Variants in CLDN14 observed in about 807,000 individuals in gnomAD.
CLDN14 encodes claudin 14.
In CLDN14, 2 loss-of-function variants were observed where a neutral mutation model predicts 2.1. That is an observed-to-expected ratio of 0.96 (90% CI 0.39 to 3.01). CLDN14 has a LOEUF of 3.01. Ranked by LOEUF, CLDN14 falls within the 30% of genes most tolerant of loss-of-function variation. The probability of loss-of-function intolerance (pLI) is 0.09; values close to 1 mark genes in which losing one functional copy is unlikely to be tolerated. For synonymous variants in CLDN14, 136 were observed against 154.4 expected, an observed-to-expected ratio of 0.88 and a Z score of 0.88; for missense variants, 298 against 328.0, an observed-to-expected ratio of 0.91 and a Z score of 0.71.
chr21:36,549,013 T>C (rs1601633278), intron 1 of CLDN14, among the ~76,000 whole-genome samples: 1 of 152,192 alleles, frequency 6.6e-6, no homozygotes, highest in East Asian at 1.9e-4. Flanking sequence ...TCCCTGAGGG[T>C]AAGGACTGTG....
At chr21:36,573,516 C>A (rs2087723519) in intron 1 of CLDN14, among the ~76,000 whole-genome samples, 1 of 152,124 alleles carries the variant, frequency 6.6e-6, no homozygotes, top group Middle Eastern at 3.2e-3. Context: ...ACTTTTCTCT[C>A]TATAAATTAT....
At chr21:36,504,206 G>C (rs1200015232) in intron 2 of CLDN14, among the ~76,000 whole-genome samples, 1 of 151,466 alleles carries the variant, frequency 6.6e-6, no homozygotes, top group Non-Finnish European at 1.5e-5. Context: ...TGGGCATGGT[G>C]GTGCACGCCT....
intron 1 of CLDN14, among the ~76,000 whole-genome samples, chr21:36,478,619 T>G (rs896932671): frequency 5.9e-5 from 9 of 152,214 alleles, no homozygotes; most frequent in African/African-American, 2.2e-4. Context: ...ACAGCAGACC[T>G]GGGCCCAGCC....
upstream of CLDN14, among the ~76,000 whole-genome samples, chr21:36,482,451 TAG>T (rs2086858727): frequency 6.6e-6 from 1 of 150,448 alleles, no homozygotes; most frequent in Non-Finnish European, 1.5e-5. Flanking sequence ...GATGGATGGA[TAG>T]ATGGATGGAT....
chr21:36,461,502 T>C lies in CLDN14; in HGVS notation c.194A>G (p.Gln65Arg). Residue 65 changes from glutamine (Q) to arginine (R), a missense_variant, in exon 2 of 2, where the codon CAG becomes CGG. By Grantham distance (43) the Gln-to-Arg change is conservative. Transcript: ENST00000399135. ...CAGCGCCAGCAGGGATCGGTAGATC[T>C]GGCACTGGTAGATGCCTGTGCTGTG... Reference protein sequence around the residue: ...VWHSTGIYQCQIYRSLLALPQ... With the variant: ...VWHSTGIYQCRIYRSLLALPQ... The C allele has an allele frequency of 6.2e-7, 1 of 1,613,446 alleles. No individual in the cohort carries two copies. The highest frequency in any genetic ancestry group is 8.5e-7 in the Non-Finnish European group (1 of 1,179,986).
At chr21:36,487,999 C>G (rs956673745) in intron 2 of CLDN14, among the ~76,000 whole-genome samples, 4 of 152,148 alleles carry the variant, frequency 2.6e-5, no homozygotes, top group African/African-American at 9.7e-5. Context: ...CAGGTGTGTG[C>G]ACACTCACCT....
chr21:36,518,073 C>T (rs1203738123), intron 1 of CLDN14, among the ~76,000 whole-genome samples: 1 of 59,342 alleles, frequency 1.7e-5, no homozygotes, highest in South Asian at 5.5e-4. Context: ...CACTTACATA[C>T]GTACACACAC....
intron 2 of CLDN14, among the ~76,000 whole-genome samples, chr21:36,503,497 G>A (rs2146478628): frequency 6.6e-6 from 1 of 152,292 alleles, no homozygotes; most frequent in South Asian, 2.1e-4. Flanking sequence ...TTTTAAAAAT[G>A]GGAGTTTCCC....
At chr21:36,535,961 C>T (rs978750650) in intron 1 of CLDN14, among the ~76,000 whole-genome samples, 15 of 152,196 alleles carry the variant, frequency 9.9e-5, no homozygotes, top group African/African-American at 3.6e-4. Flanking sequence ...CCCCCACCCT[C>T]GGAAAGTACA....
intron 1 of CLDN14, among the ~76,000 whole-genome samples, chr21:36,527,919 C>T (rs1217838387): frequency 2.0e-5 from 3 of 152,040 alleles, no homozygotes; most frequent in African/African-American, 7.3e-5. Flanking sequence ...CTAGATGTCT[C>T]TTCCCAAAAG....
At chr21:36,517,772 A>G (rs533974541) in intron 1 of CLDN14, among the ~76,000 whole-genome samples, 1 of 152,280 alleles carries the variant, frequency 6.6e-6, no homozygotes, top group East Asian at 1.9e-4. Flanking sequence ...GTAAGCTGTT[A>G]TTTTGGATGT....
chr21:36,542,522 C>G (rs1000217777), intron 1 of CLDN14: 1 of 152,380 alleles, frequency 6.6e-6, no homozygotes, highest in Non-Finnish European at 1.5e-5. Flanking sequence ...CTAAAAGTCC[C>G]GAGGCTGGCA....
intron 1 of CLDN14, among the ~76,000 whole-genome samples, chr21:36,541,391 G>C (rs557694038): frequency 6.6e-6 from 1 of 152,128 alleles, no homozygotes; most frequent in Non-Finnish European, 1.5e-5. Flanking sequence ...GTAACAAAAG[G>C]ATGAAAAGAA....
In CLDN14 at chr21:36,497,571, C is replaced by T. The variant is rs371385818; in HGVS notation, c.-82+12792G>A. On this transcript the variant is annotated intron_variant, in intron 2 of 2. Transcript: ENST00000342108. ...TCAGCAAACTCCAACAGGCCCCAAA[C>T]GAGCTGAGAAAATATCCAACTTCAA... is the stretch of plus-strand genomic sequence containing the variant. 3.9e-5 allele frequency among the ~76,000 whole-genome samples: 6 copies of T among 152,144 alleles called. No homozygotes were observed. In the East Asian group the frequency reaches 9.7e-4, roughly 25 times the overall value.
At chr21:36,515,767 CTG>C (rs2087223491) in intron 1 of CLDN14, among the ~76,000 whole-genome samples, 1 of 148,422 alleles carries the variant, frequency 6.7e-6, no homozygotes, top group South Asian at 2.1e-4. Context: ...GTGTGCTAAG[CTG>C]TGTTTCCCTT....
intron 2 of CLDN14, among the ~76,000 whole-genome samples, chr21:36,509,488 C>T (rs1040933957): frequency 6.6e-6 from 1 of 152,232 alleles, no homozygotes; most frequent in African/African-American, 2.4e-5. Context: ...GGAGAAGATA[C>T]ATATGGTTGG....
chr21:36,482,747 T>C (rs2086861234), upstream of CLDN14, among the ~76,000 whole-genome samples: 1 of 152,152 alleles, frequency 6.6e-6, no homozygotes, highest in Non-Finnish European at 1.5e-5. Flanking sequence ...AAACTTGACC[T>C]TGCTCTATTC....
At chr21:36,567,911 T>C (rs962493663) in intron 1 of CLDN14, among the ~76,000 whole-genome samples, 7 of 152,218 alleles carry the variant, frequency 4.6e-5, no homozygotes, top group Non-Finnish European at 1.0e-4. Flanking sequence ...GTACCTACTA[T>C]GTGGACGTTT....
At chr21:36,563,292 G>A (rs2087650375) in intron 1 of CLDN14, among the ~76,000 whole-genome samples, 1 of 152,030 alleles carries the variant, frequency 6.6e-6, no homozygotes, top group Non-Finnish European at 1.5e-5. Flanking sequence ...CATTATTGGG[G>A]TTTTAAATCC....
Sources: allele counts gnomAD v4.1 joint callset (sites outside exome capture counted in the v4.1 genomes callset), GRCh38; gene constraint gnomAD v4.1.1; transcripts MANE v1.5; gene names NCBI Gene and HGNC (gene_info 2026-07-23, HGNC 2026-07-21).